Variants in MICU2 observed in about 807,000 individuals in gnomAD.
MICU2 encodes the protein mitochondrial calcium uptake 2, also known as calcium uptake protein 2, mitochondrial.
MICU2 carries 64 observed loss-of-function variants against 60.4 expected under a neutral mutation model. The observed-to-expected ratio is 1.06, with a 90% confidence interval of 0.87 to 1.31. The LOEUF is 1.31. MICU2 is among the 50% of genes most tolerant of loss of function. MICU2 has a pLI of 0.00. For missense variants in MICU2, 569 were observed against 531.0 expected, an observed-to-expected ratio of 1.07 and a Z score of -0.70; for synonymous variants, 201 against 175.0, an observed-to-expected ratio of 1.15 and a Z score of -1.17.
In MICU2 at chr13:21,492,814, T is replaced by C. The variant is rs1885891244; in HGVS notation, c.*435A>G. ...AAATATGCAATAAATTTATGAGATA[T>C]AAGGTACAGATGAGAAAAATCTGAA... On this transcript the variant is annotated 3_prime_UTR_variant, in exon 12 of 12. Transcript: ENST00000382374. 1 of 152,764 alleles carries C rather than the reference T, an allele frequency of 6.5e-6. No individual in the cohort carries two copies. The highest frequency in any genetic ancestry group is 1.5e-5 in the Non-Finnish European group (1 of 68,362). The allele number at this position is 152,764 out of a possible 1,614,324, so 9.5% of individuals were successfully genotyped here.
At chr13:21,594,424 T>C (rs562000565) in intron 1 of MICU2, among the ~76,000 whole-genome samples, 1 of 152,300 alleles carries the variant, frequency 6.6e-6, no homozygotes, top group South Asian at 2.1e-4. Flanking sequence ...ACTTTTACAC[T>C]ATTGGTGGGA....
chr13:21,575,109 T>C (rs1451781905), intron 1 of MICU2, among the ~76,000 whole-genome samples: 1 of 152,170 alleles, frequency 6.6e-6, no homozygotes, highest in Non-Finnish European at 1.5e-5. Context: ...GGAAGAAAGC[T>C]AGCATGGCTT....
chr13:21,551,994 C>T (rs913697682), intron 2 of MICU2, among the ~76,000 whole-genome samples: 3 of 152,040 alleles, frequency 2.0e-5, no homozygotes, highest in East Asian at 1.9e-4. Context: ...TTCTAGATCC[C>T]TGAGGAATCG....
chr13:21,540,710 G>T (rs970710330), intron 2 of MICU2, among the ~76,000 whole-genome samples: 10 of 152,028 alleles, frequency 6.6e-5, no homozygotes, highest in African/African-American at 2.4e-4. Context: ...GTTATTTTGG[G>T]ATAATTTTTA....
intron 2 of MICU2, among the ~76,000 whole-genome samples, chr13:21,556,370 GT>G (rs1486933715): frequency 6.6e-6 from 1 of 151,916 alleles, no homozygotes; most frequent in Non-Finnish European, 1.5e-5. Context: ...CCTTCTCTGG[GT>G]TTTCCTTATC....
chr13:21,497,295 G>T (rs1226530061), intron 9 of MICU2, among the ~76,000 whole-genome samples: 2 of 152,030 alleles, frequency 1.3e-5, no homozygotes, highest in Non-Finnish European at 2.9e-5. Context: ...AACCCGTGAG[G>T]CGGAGGCTAC....
At chr13:21,538,406 A>G (rs1224904873) in intron 4 of MICU2, among the ~76,000 whole-genome samples, 1 of 151,912 alleles carries the variant, frequency 6.6e-6, no homozygotes, top group African/African-American at 2.4e-5. Context: ...TCCCGTCTAT[A>G]CTAAAATTAA....
intron 4 of MICU2, among the ~76,000 whole-genome samples, chr13:21,538,831 AAAATGTCAAACACTTCCAGCTGC>A (rs972925024): frequency 6.6e-6 from 1 of 152,176 alleles, no homozygotes; most frequent in African/African-American, 2.4e-5. Context: ...TGTACTTGTT[AAAATGTCAAACACTTCCAGCTGC>A]TAAATATAGA....
rs9509780 is a variant in MICU2 at position 21,530,702 on chromosome 13, G to A, written c.467-8052C>T. ...AGTTACTGGGGTGGCCACTGAGGGG[G>A]TCGGGGAGGCTGCACAAGGTGGCGA... On this transcript the variant is annotated intron_variant, in intron 4 of 11. Transcript: ENST00000382374. The A allele has an allele frequency of 4.9e-5, 21 of 425,824 alleles. No homozygotes were observed. The South Asian group carries it at 5.7e-4, about 12-fold the overall frequency. 26.4% of individuals were successfully genotyped at this position (425,824 alleles called of 1,614,324 possible). A position where few individuals can be genotyped will look rare whatever the true frequency, so the allele number is the denominator to read the frequency against.
chr13:21,584,665 T>G (rs1888421205), intron 1 of MICU2, among the ~76,000 whole-genome samples: 1 of 152,166 alleles, frequency 6.6e-6, no homozygotes, highest in African/African-American at 2.4e-5. Flanking sequence ...TTCATTATTA[T>G]TTTTATATTG....
intron 6 of MICU2, among the ~76,000 whole-genome samples, chr13:21,514,621 C>A (rs556161410): frequency 2.0e-5 from 3 of 151,946 alleles, no homozygotes; most frequent in Non-Finnish European, 4.4e-5. Flanking sequence ...GCAAGTTTCG[C>A]CCCCAGGTTC....
chr13:21,519,578 A>C (rs918795737), intron 6 of MICU2, among the ~76,000 whole-genome samples: 1 of 151,472 alleles, frequency 6.6e-6, no homozygotes, highest in Non-Finnish European at 1.5e-5. Context: ...ATCCCTTTTC[A>C]CTCTATTTCT....
chr13:21,593,477 T>C (rs1188086511), intron 1 of MICU2, among the ~76,000 whole-genome samples: 1 of 139,918 alleles, frequency 7.1e-6, no homozygotes, highest in Non-Finnish European at 1.5e-5. Flanking sequence ...CCCATCAAAC[T>C]ATCATTGACA....
chr13:21,592,233 C>A (rs1390998298), intron 1 of MICU2, among the ~76,000 whole-genome samples: 2 of 152,160 alleles, frequency 1.3e-5, no homozygotes, highest in African/African-American at 4.8e-5. Context: ...ATACTATAAA[C>A]ACCTCTACGC....
intron 8 of MICU2, among the ~76,000 whole-genome samples, chr13:21,504,653 A>C (rs1349675144): frequency 2.0e-5 from 3 of 152,210 alleles, no homozygotes; most frequent in Non-Finnish European, 1.5e-5. Flanking sequence ...CATTGTGAAC[A>C]AATTACATAC....
At chr13:21,497,958 T>C (rs918969594) in intron 9 of MICU2, among the ~76,000 whole-genome samples, 4 of 152,144 alleles carry the variant, frequency 2.6e-5, no homozygotes, top group African/African-American at 9.7e-5. Context: ...TCTCGCTATG[T>C]TTCTCAGGCT....
chr13:21,539,706 C>G lies in MICU2; in HGVS notation c.359-18G>C. ...AGTTTTACCTACAACAAATAAGAAA[C>G]ATTATTTAGTATCCATATTCTTTGG... On this transcript the variant is annotated intron_variant, in intron 2 of 11. Coordinates refer to ENST00000382374, the MANE Select transcript of MICU2 (RefSeq NM_152726.3). 1.2e-6 allele frequency: 2 copies of G among 1,609,780 alleles called. No individual in the cohort carries two copies. Among genetic ancestry groups the G allele is most frequent in the Middle Eastern group, 3.3e-4 (2 of 6,048 alleles).
intron 9 of MICU2, among the ~76,000 whole-genome samples, chr13:21,501,408 A>G (rs4265674): frequency 0.25 from 37,684 of 151,772 alleles, 5,437 homozygotes; most frequent in East Asian, 0.66. Context: ...GACTACAGGC[A>G]CCTGCCACCA....
chr13:21,584,653 GATTC>G (rs896015228), intron 1 of MICU2, among the ~76,000 whole-genome samples: 37 of 152,018 alleles, frequency 2.4e-4, no homozygotes, highest in East Asian at 1.7e-3. Context: ...TAAAAAATAT[GATTC>G]ATTATTATTT....
Sources: allele counts gnomAD v4.1 joint callset (sites outside exome capture counted in the v4.1 genomes callset), GRCh38; gene constraint gnomAD v4.1.1; transcripts MANE v1.5; gene names NCBI Gene and HGNC (gene_info 2026-07-23, HGNC 2026-07-21).